Variants in ACBD5 observed in about 807,000 individuals in gnomAD.
The protein encoded by ACBD5 is acyl-CoA-binding domain-containing protein 5.
Under a neutral mutation model 71.8 loss-of-function variants are expected in ACBD5, and 40 were observed. That is an observed-to-expected ratio of 0.56 (90% CI 0.43 to 0.72). The LOEUF (loss-of-function observed/expected upper bound fraction) is 0.72. ACBD5 is among the 30% of genes least tolerant of loss of function. The pLI, the probability that ACBD5 is intolerant of heterozygous loss-of-function variation, is 0.00. For missense variants in ACBD5, 559 were observed against 644.5 expected, an observed-to-expected ratio of 0.87 and a Z score of 1.44; for synonymous variants, 229 against 218.6, an observed-to-expected ratio of 1.05 and a Z score of -0.42.
rs571112658 is a variant in ACBD5, at chr10:27,206,311, T to A, written c.1405-1063A>T. Among the ~76,000 whole-genome samples, 26 of 143,390 alleles carry A rather than the reference T, an allele frequency of 1.8e-4. No homozygotes were observed. In the South Asian group the frequency reaches 4.2e-3, roughly 23 times the overall value. 94.1% of individuals were successfully genotyped at this position (143,390 alleles called of 152,430 possible). The stretch of plus-strand genomic sequence containing the variant: ...TATTGAATATATGTAAAATATTCTT[T>A]AAAAAAAAAAAAACATAGAGCATGC... On this transcript the variant is annotated intron_variant, in intron 10 of 12. Transcript: ENST00000396271.
At chr10:27,232,984 A>C (rs910614209) in intron 3 of ACBD5, among the ~76,000 whole-genome samples, 1 of 152,212 alleles carries the variant, frequency 6.6e-6, no homozygotes, top group Non-Finnish European at 1.5e-5. Context: ...ATAACATATT[A>C]CTATTTCATT....
chr10:27,229,483 T>C (rs577217721), intron 4 of ACBD5, among the ~76,000 whole-genome samples: 2 of 152,022 alleles, frequency 1.3e-5, no homozygotes, highest in East Asian at 3.9e-4. Flanking sequence ...TCCCAGCTAC[T>C]CGGGAGGCTG....
chr10:27,237,655 T>C lies in ACBD5; in HGVS notation c.182-2443A>G, dbSNP rs190216304. Among the ~76,000 whole-genome samples the C allele has an allele frequency of 1.9e-3, 258 of 135,098 alleles. 2 individuals are homozygous for C. Among genetic ancestry groups the C allele is most frequent in the African/African-American group, 6.6e-3 (253 of 38,578 alleles). 88.6% of individuals were successfully genotyped at this position (135,098 alleles called of 152,430 possible). A position where few individuals can be genotyped will look rare whatever the true frequency, so the allele number is the denominator to read the frequency against. The stretch of plus-strand genomic sequence containing the variant: ...TTTTTTTTGAGTTGGAGTCTGGCTC[T>C]TGTCACCCAGGCTGGAGTACAATGG... On this transcript the variant is annotated intron_variant, in intron 2 of 12. Transcript: ENST00000396271.
At position 27,195,438 on chromosome 10, in the gene ACBD5, C is replaced by T. The variant is rs1287040472; in HGVS notation, c.*1992G>A. 1 of 454,328 alleles carries T rather than the reference C, an allele frequency of 2.2e-6. No individual in the cohort carries two copies. The highest frequency in any genetic ancestry group is 4.4e-6 in the Non-Finnish European group (1 of 226,780). The allele number at this position is 454,328 out of a possible 1,614,324, so 28.1% of individuals were successfully genotyped here. A position where few individuals can be genotyped will look rare whatever the true frequency, so the allele number is the denominator to read the frequency against. ...TTTGGAACAGGATAGAAATGGTTAT[C>T]CCTAGGAGTTAGTTATCCCAGACTG... On this transcript the variant is annotated 3_prime_UTR_variant, in exon 13 of 13. Coordinates refer to ENST00000396271, the MANE Select transcript of ACBD5 (RefSeq NM_145698.5).
At chr10:27,236,114 A>C (rs1310534144) in intron 2 of ACBD5, among the ~76,000 whole-genome samples, 1 of 4,732 alleles carries the variant, frequency 2.1e-4, no homozygotes, top group Non-Finnish European at 5.0e-4. Context: ...ACCCTGTCTC[A>C]AAAAAAAAAA....
upstream of ACBD5, among the ~76,000 whole-genome samples, chr10:27,241,378 T>G (rs1589445503): frequency 1.3e-5 from 2 of 151,866 alleles, no homozygotes; most frequent in African/African-American, 2.4e-5. Context: ...TGGATGGAGG[T>G]GCTCAGCAGT....
chr10:27,187,614 T>C (rs1043226439), intron 13 of ACBD5, among the ~76,000 whole-genome samples: 12 of 151,800 alleles, frequency 7.9e-5, no homozygotes, highest in South Asian at 2.1e-4. Context: ...TAGCCAGGTA[T>C]GGTGACGCAC....
chr10:27,233,428 G>GA (rs11308411), intron 3 of ACBD5, among the ~76,000 whole-genome samples: 83 of 128,916 alleles, frequency 6.4e-4, no homozygotes, highest in Non-Finnish European at 7.3e-4. Context: ...TCCGTCTGAA[G>GA]AAAAAAAAAA....
intron 5 of ACBD5, 52 bp downstream of exon 5, chr10:27,223,286 A>G (rs1469027736): frequency 7.8e-7 from 1 of 1,282,276 alleles, no homozygotes; most frequent in Non-Finnish European, 1.1e-6. Flanking sequence ...AAATATTAAT[A>G]TGTGCATAAT....
intron 8 of ACBD5, among the ~76,000 whole-genome samples, chr10:27,212,832 A>G (rs1289023065): frequency 6.6e-6 from 1 of 152,210 alleles, no homozygotes; most frequent in Non-Finnish European, 1.5e-5. Context: ...TATAGGTGTC[A>G]GCCACCATGA....
chr10:27,190,153 T>C (rs2059019094), intron 13 of ACBD5, among the ~76,000 whole-genome samples: 1 of 151,982 alleles, frequency 6.6e-6, no homozygotes, highest in Non-Finnish European at 1.5e-5. Context: ...GGCATGATGG[T>C]GCGCGCCAGT....
chr10:27,236,431 G>C (rs183236205), intron 2 of ACBD5, among the ~76,000 whole-genome samples: 1 of 152,146 alleles, frequency 6.6e-6, no homozygotes, highest in South Asian at 2.1e-4. Flanking sequence ...AATGTTTAAA[G>C]ACTATCTCTG....
chr10:27,235,410 T>C (rs2064528424), intron 2 of ACBD5, among the ~76,000 whole-genome samples, 198 bp from the exon 3 acceptor site: 1 of 152,252 alleles, frequency 6.6e-6, no homozygotes, highest in Non-Finnish European at 1.5e-5. Context: ...TCTGAGATTT[T>C]AAACTTTAAT....
At chr10:27,212,705 G>A (rs1186245026) in intron 8 of ACBD5, among the ~76,000 whole-genome samples, 1 of 150,990 alleles carries the variant, frequency 6.6e-6, no homozygotes, top group Non-Finnish European at 1.5e-5. Flanking sequence ...TAGCTACCAT[G>A]CCTGGCTAAG....
At chr10:27,211,292 A>G (rs2061050526) in intron 8 of ACBD5, among the ~76,000 whole-genome samples, 1 of 152,152 alleles carries the variant, frequency 6.6e-6, no homozygotes, top group Non-Finnish European at 1.5e-5. Context: ...CCATGAACAG[A>G]GTCAAGAAGC....
chr10:27,218,122 G>C lies in ACBD5; in HGVS notation c.687C>G (p.Gly229=), dbSNP rs752025421. 6.2e-7 allele frequency: 1 copy of C among 1,614,074 alleles called. No homozygotes were observed. The highest frequency in any genetic ancestry group is 1.1e-5 in the South Asian group (1 of 91,086). Residue 229 remains glycine, a synonymous_variant, in exon 7 of 13, where the codon GGC becomes GGG. Coordinates refer to ENST00000396271, the MANE Select transcript of ACBD5 (RefSeq NM_145698.5). ...CCTGAACAAAGCCATCTTTATCATA[G>C]CCATTAGTGACAATGACTTCCAAAT... ...HKNLEVIVTN[G]YDKDGFVQDI...
intron 4 of ACBD5, among the ~76,000 whole-genome samples, chr10:27,229,468 T>A (rs2063572119): frequency 6.6e-6 from 1 of 151,906 alleles, no homozygotes; most frequent in South Asian, 2.1e-4. Flanking sequence ...GGCATGCCTC[T>A]GTAATCCCAG....
At chr10:27,192,229 T>G (rs947998205), downstream of ACBD5, among the ~76,000 whole-genome samples, 1 of 138,632 alleles carries the variant, frequency 7.2e-6, no homozygotes, top group African/African-American at 2.5e-5. Flanking sequence ...CTACAAGAAA[T>G]GGATACATTC....
chr10:27,183,697 G>A (rs1177642681), intron 13 of ACBD5, among the ~76,000 whole-genome samples: 1 of 152,060 alleles, frequency 6.6e-6, no homozygotes, highest in East Asian at 1.9e-4. Context: ...GGTGTTCCCT[G>A]TAATAATTTC....
Sources: gnomAD v4.1 joint callset for allele counts (sites outside exome capture counted in the v4.1 genomes callset) on GRCh38, gnomAD v4.1.1 for gene constraint, MANE v1.5 for transcripts, NCBI Gene and HGNC (gene_info 2026-07-23, HGNC 2026-07-21) for gene names.